The following PBX3 variants were observed in gnomAD, a reference collection of about 807,000 sequenced individuals.
PBX3 encodes the protein pre-B-cell leukemia transcription factor 3.
PBX3 carries 14 observed loss-of-function variants against 48.5 expected under a neutral mutation model. The ratio of observed to expected loss-of-function variants is 0.29; its 90% CI spans 0.19 to 0.45. The LOEUF (loss-of-function observed/expected upper bound fraction) is 0.45. Among genes scored for constraint, PBX3 ranks in the 20% least tolerant of loss-of-function variants. PBX3 has a pLI of 1.00. For synonymous variants in PBX3, 210 were observed against 200.3 expected (o/e 1.05, Z -0.41); for missense variants, 386 against 546.7 (o/e 0.71, Z 2.93).
intron 2 of PBX3, among the ~76,000 whole-genome samples, chr9:125,906,794 T>A (rs1425039774): frequency 6.6e-6 from 1 of 152,008 alleles, no homozygotes; most frequent in Non-Finnish European, 1.5e-5. Flanking sequence ...AAAATACCAT[T>A]CATTTCAGCT....
intron 2 of PBX3, among the ~76,000 whole-genome samples, chr9:125,801,078 C>G (rs551016739): frequency 6.6e-6 from 1 of 152,210 alleles, no homozygotes; most frequent in East Asian, 1.9e-4. Flanking sequence ...TGAAGTTATT[C>G]TGTATCTCCA....
chr9:125,900,607 C>G (rs1388944825), intron 2 of PBX3, among the ~76,000 whole-genome samples: 1 of 151,696 alleles, frequency 6.6e-6, no homozygotes, highest in Non-Finnish European at 1.5e-5. Flanking sequence ...ACAGTGTAGC[C>G]TCTACAGGCA....
intron 2 of PBX3, among the ~76,000 whole-genome samples, chr9:125,829,497 T>G (rs184723367): frequency 9.3e-4 from 141 of 152,322 alleles, no homozygotes; most frequent in Non-Finnish European, 1.8e-3. Context: ...CAACATTTAA[T>G]TTGCTAGTCA....
chr9:125,962,195 G>A lies in PBX3; in HGVS notation c.1103G>A (p.Gly368Glu). Residue 368 changes from glycine to glutamate, a missense_variant, in exon 7 of 9, where the codon GGA (glycine) becomes GAA (glutamate). By Grantham distance (98) the Gly-to-Glu change is moderately conservative. Around this residue, in one of 4 missense-constraint regions of PBX3, gnomAD observed 127 missense variants for 143.3 expected, o/e 0.89. Coordinates refer to ENST00000373489, the MANE Select transcript of PBX3 (RefSeq NM_006195.6). ...NGDSYQGSQVGANVQSQVDTL... is the reference protein window; with the variant it reads ...NGDSYQGSQVEANVQSQVDTL... ...GATTCTTACCAAGGGTCCCAAGTCG[G>A]AGCCAATGTGCAATCACAGGTAGGA... 6.2e-7 allele frequency: 1 copy of A among 1,606,484 alleles called. No individual in the cohort carries two copies. The highest frequency in any genetic ancestry group is 8.5e-7 in the Non-Finnish European group (1 of 1,173,144).
In PBX3 at chr9:125,747,421, A is replaced by T. The variant is rs1308469581; in HGVS notation, c.-33A>T. 1.6e-6 allele frequency: 2 copies of T among 1,245,150 alleles called. No individual in the cohort carries two copies. Among genetic ancestry groups the T allele is most frequent in the East Asian group, 4.3e-5 (1 of 23,108 alleles). 77.1% of individuals were successfully genotyped at this position (1,245,150 alleles called of 1,614,324 possible). On this transcript the variant is annotated 5_prime_UTR_variant, in exon 1 of 9. Transcript: ENST00000373489. ...CCGCCGCCGCCTCAGCCTTCGCCTC[A>T]GCCGCCGCCCGCTCCCGCCCGCGCG...
chr9:125,899,902 A>G (rs541716992), intron 2 of PBX3, among the ~76,000 whole-genome samples: 3 of 151,890 alleles, frequency 2.0e-5, no homozygotes, highest in East Asian at 3.9e-4. Context: ...GTAACGAATA[A>G]AGAAAAGAGC....
chr9:125,804,286 A>G (rs1263703923), intron 2 of PBX3, among the ~76,000 whole-genome samples: 1 of 152,240 alleles, frequency 6.6e-6, no homozygotes, highest in African/African-American at 2.4e-5. Flanking sequence ...AAGGAATTTC[A>G]AAGTTGGAAG....
intron 2 of PBX3, among the ~76,000 whole-genome samples, chr9:125,907,500 C>T (rs1841102451): frequency 6.6e-6 from 1 of 151,930 alleles, no homozygotes. Context: ...GTGAATACCA[C>T]TGTTATTTTT....
chr9:125,929,761 G>A lies in PBX3; in HGVS notation c.623G>A (p.Arg208Gln), dbSNP rs757125897. The A allele has an allele frequency of 9.9e-6, 16 of 1,613,708 alleles. 1 individual carries two copies. The Admixed American group carries it at 1.7e-4, about 17-fold the overall frequency. ...EIERMVGIIH[R>Q]KFSSIQMQLK... The stretch of plus-strand genomic sequence containing the variant: ...GAAAGAATGGTGGGCATCATCCATC[G>A]AAAATTTAGTTCCATTCAGATGCAG... Residue 208 changes from arginine (R) to glutamine (Q), a missense_variant, in exon 4 of 9, where the codon CGA becomes CAA. Physicochemically the swap from Arg to Gln is conservative, Grantham distance 43 (BLOSUM62 1). Around this residue, in one of 4 missense-constraint regions of PBX3, gnomAD observed 74 missense variants for 206.1 expected, o/e 0.36. Coordinates refer to ENST00000373489, the MANE Select transcript of PBX3 (RefSeq NM_006195.6).
intron 7 of PBX3, 96 bp downstream of exon 7, chr9:125,962,310 G>T: frequency 7.6e-6 from 5 of 655,618 alleles, no homozygotes; most frequent in Non-Finnish European, 1.4e-5. Flanking sequence ...ACACATCCAT[G>T]CAGAACCTGT....
At chr9:125,826,411 C>T (rs10986959) in intron 2 of PBX3, among the ~76,000 whole-genome samples, 3,055 of 152,042 alleles carry the variant, frequency 0.02, 173 homozygotes, top group East Asian at 0.17. Flanking sequence ...TAAGTCTTGT[C>T]GACTCTAGCT....
Position 125,790,236 on chromosome 9 carries a change from G to A in PBX3, c.274+41613G>A, listed in dbSNP as rs561328046. On this transcript the variant is annotated intron_variant, in intron 2 of 8. Coordinates refer to ENST00000373489, the MANE Select transcript of PBX3 (RefSeq NM_006195.6). ...AGCCATCCAAAGCATTAAAATTGCA[G>A]AGACTATTTCTTTCTTTCTTTCTTT... Among the ~76,000 whole-genome samples, 35 of 152,078 alleles carry A rather than the reference G, an allele frequency of 2.3e-4. No individual in the cohort carries two copies. The South Asian group carries it at 3.3e-3, about 14-fold the overall frequency.
At position 125,835,051 on chromosome 9, in the gene PBX3, A is replaced by AAAAAAAAAAAT. The variant is rs1564681272; in HGVS notation, c.275-80635_275-80634insAAAAAAAAAAT. On this transcript the variant is annotated intron_variant, in intron 2 of 8. Coordinates refer to ENST00000373489, the MANE Select transcript of PBX3 (RefSeq NM_006195.6). Reference sequence around the variant, plus strand: ...AAAAAAAAAAAAAAAAAAAAAAAAAAGGGCAAAAGATATGAAAAGACAAGT... The same window carrying AAAAAAAAAAAT: ...AAAAAAAAAAAAAAAAAAAAAAAAAAAAAAAAAAAATGGGCAAAAGATATGAAAAGACAAGT... 8.3e-5 allele frequency among the ~76,000 whole-genome samples: 9 copies of AAAAAAAAAAAT among 108,060 alleles called. 4 individuals are homozygous for AAAAAAAAAAAT. Among genetic ancestry groups the AAAAAAAAAAAT allele is most frequent in the African/African-American group, 3.0e-4 (8 of 26,366 alleles). The allele number at this position is 108,060 out of a possible 152,430, so 70.9% of individuals were successfully genotyped here.
intron 2 of PBX3, 145 bp from the exon 3 acceptor site, chr9:125,915,541 T>C: frequency 1.6e-6 from 1 of 629,274 alleles, no homozygotes; most frequent in Non-Finnish European, 2.7e-6. Flanking sequence ...AACTTACCGA[T>C]CAAATGTGAA....
chr9:125,911,699 C>A (rs550898076), intron 2 of PBX3, among the ~76,000 whole-genome samples: 1 of 151,856 alleles, frequency 6.6e-6, no homozygotes, highest in Non-Finnish European at 1.5e-5. Context: ...AAAATTACAG[C>A]GACGTCGTAG....
At chr9:125,867,404 G>C (rs527451627) in intron 2 of PBX3, among the ~76,000 whole-genome samples, 3 of 152,114 alleles carry the variant, frequency 2.0e-5, no homozygotes, top group South Asian at 4.1e-4. Context: ...CACTTTGGGA[G>C]GCCAAGGCGG....
intron 2 of PBX3, among the ~76,000 whole-genome samples, chr9:125,848,456 C>A (rs1161991843): frequency 6.6e-6 from 1 of 151,792 alleles, no homozygotes; most frequent in Non-Finnish European, 1.5e-5. Flanking sequence ...ATACTACTTC[C>A]TTTTTTCTCC....
intron 2 of PBX3, among the ~76,000 whole-genome samples, chr9:125,751,615 C>T (rs894921262): frequency 6.6e-6 from 1 of 152,140 alleles, no homozygotes; most frequent in Admixed American, 6.5e-5. Flanking sequence ...GCAGAAATGT[C>T]TCTCATTGTT....
chr9:125,938,327 C>A (rs1841882856), intron 5 of PBX3, among the ~76,000 whole-genome samples: 2 of 152,076 alleles, frequency 1.3e-5, no homozygotes, highest in African/African-American at 4.8e-5. Flanking sequence ...TTAATAAAGA[C>A]TGAAAACATC....
Sources: gnomAD v4.1 joint callset for allele counts (sites outside exome capture counted in the v4.1 genomes callset) on GRCh38, gnomAD v4.1.1 for gene constraint, gnomAD v4.1.1 regional missense constraint, MANE v1.5 for transcripts, NCBI Gene and HGNC (gene_info 2026-07-23, HGNC 2026-07-21) for gene names.